The following STARD9 variants were observed in gnomAD, a reference collection of about 807,000 sequenced individuals.
STARD9 encodes the protein stAR-related lipid transfer protein 9.
STARD9 carries 346 observed loss-of-function variants against 399.8 expected under a neutral mutation model. That is an observed-to-expected ratio of 0.87 (90% CI 0.79 to 0.95). The LOEUF (loss-of-function observed/expected upper bound fraction) is 0.95. Among genes scored for constraint, STARD9 ranks in the 40% least tolerant of loss-of-function variants. The pLI is 0.00. For synonymous variants in STARD9, 2,203 were observed against 2,143.5 expected (o/e 1.03, Z -0.77); for missense variants, 5,832 against 5,667.5 (o/e 1.03, Z -0.93).
chr15:42,709,785 G>T (rs2061171593), intron 26 of STARD9, among the ~76,000 whole-genome samples: 1 of 152,078 alleles, frequency 6.6e-6, no homozygotes, highest in Admixed American at 6.5e-5. Context: ...TATCTTACCT[G>T]TAAAAATTAT....
At chr15:42,645,509 C>A (rs1436657321) in intron 7 of STARD9, among the ~76,000 whole-genome samples, 2 of 151,704 alleles carry the variant, frequency 1.3e-5, no homozygotes, top group Non-Finnish European at 2.9e-5. Context: ...CTTTATGGTT[C>A]CATTTATAGG....
chr15:42,693,153 C>G lies in STARD9; in HGVS notation c.11575C>G (p.Pro3859Ala). 2.6e-6 allele frequency: 4 copies of G among 1,537,142 alleles called. No homozygotes were observed. The highest frequency in any genetic ancestry group is 3.5e-6 in the Non-Finnish European group (4 of 1,146,896). ...EESYCLVVSS[P>A]SPSSPHSPGL... ...GTCATATTGCTTAGTTGTCAGCAGT[C>G]CCAGTCCCAGCTCCCCTCATTCCCC... Residue 3859 changes from proline to alanine, a missense_variant, in exon 23 of 33, where the codon CCC becomes GCC. By Grantham distance (27) the Pro-to-Ala change is conservative. Coordinates refer to ENST00000290607, the MANE Select transcript of STARD9 (RefSeq NM_020759.3).
intron 30 of STARD9, 57 bp from the exon 31 acceptor site, chr15:42,718,378 C>A: frequency 7.0e-7 from 1 of 1,428,688 alleles, no homozygotes; most frequent in Non-Finnish European, 9.5e-7. Context: ...ACCAGGAAGG[C>A]TTTAGGACTA....
chr15:42,719,503 C>T lies in STARD9; in HGVS notation c.14032C>T (p.Gln4678Ter), dbSNP rs1317829807. Residue 4678 changes from glutamine (Q) to a stop codon, truncating the protein, a stop_gained, in exon 33 of 33, where the codon CAG (glutamine) becomes TAG (stop). Coordinates refer to ENST00000290607, the MANE Select transcript of STARD9 (RefSeq NM_020759.3). LOFTEE classifies it high-confidence loss of function. ...VELGAPGFPPQLLSSFIKRQP... is the reference protein window; with the variant it reads ...VELGAPGFPP ...ACTTGGTGCTCCAGGCTTCCCACCT[C>T]AGCTCCTGAGCTCTTTCATCAAACG... 1 of 1,537,212 alleles carries T rather than the reference C, an allele frequency of 6.5e-7. No individual in the cohort carries two copies.
intron 3 of STARD9, among the ~76,000 whole-genome samples, chr15:42,606,525 A>G (rs1050150493): frequency 1.1e-4 from 17 of 151,968 alleles, no homozygotes; most frequent in African/African-American, 4.1e-4. Flanking sequence ...GTGTGATCTC[A>G]GGTCACTGCA....
At chr15:42,680,151 A>T (rs2060396403) in intron 20 of STARD9, among the ~76,000 whole-genome samples, 1 of 152,200 alleles carries the variant, frequency 6.6e-6, no homozygotes, top group Non-Finnish European at 1.5e-5. Context: ...AATGACAGGG[A>T]TGAAGATACC....
At chr15:42,711,386 T>C (rs2061220901) in intron 26 of STARD9, among the ~76,000 whole-genome samples, 1 of 152,000 alleles carries the variant, frequency 6.6e-6, no homozygotes, top group African/African-American at 2.4e-5. Context: ...GGTGATCCAC[T>C]CGCTTCAGCC....
Position 42,718,085 on chromosome 15 carries a change from G to A in STARD9, c.13668G>A (p.Trp4556Ter). The change falls in exon 30 of 33, where the codon TGG (tryptophan) becomes TGA (stop). Residue 4556 changes from tryptophan (W) to a stop codon, truncating the protein, a stop_gained. Transcript: ENST00000290607. LOFTEE classifies it high-confidence loss of function. ...TGTCCCAGCCGCTGTCTCGTGTGTG[G>A]GCGGCTGTCAGTGACCCCACTGTGT... ...GVVSQPLSRV[W>*]AAVSDPTVWP... The A allele has an allele frequency of 6.5e-7, 1 of 1,537,234 alleles. No homozygotes were observed. Among genetic ancestry groups the A allele is most frequent in the East Asian group, 2.4e-5 (1 of 40,906 alleles).
In STARD9 at chr15:42,692,785, G is replaced by C. The variant is rs1286303988; in HGVS notation, c.11207G>C (p.Ser3736Thr). 1 of 1,537,056 alleles carries C rather than the reference G, an allele frequency of 6.5e-7. No homozygotes were observed. The highest frequency in any genetic ancestry group is 2.0e-5 in the Admixed American group (1 of 50,974). ...ACTCAGACCACTGTGGATGAGGGCA[G>C]CCAGACTGACCTCACCTTACCCACC... ...GSTQTTVDEG[S>T]QTDLTLPTLC... The change falls in exon 23 of 33, where the codon AGC (serine) becomes ACC (threonine). Residue 3736 changes from serine (S) to threonine (T), a missense_variant. Ser to Thr is a moderately conservative substitution (Grantham distance 58). Transcript: ENST00000290607.
At chr15:42,585,787 ATAAC>A (rs1481413556) in intron 3 of STARD9, 150 bp downstream of exon 3, 9 of 474,792 alleles carry the variant, frequency 1.9e-5, no homozygotes, top group South Asian at 4.7e-5. Context: ...AAACTTTGAA[ATAAC>A]TAACAGATTT....
Position 42,580,672 on chromosome 15 carries a change from C to T in STARD9, c.48-2674C>T, listed in dbSNP as rs547275377. On this transcript the variant is annotated intron_variant, in intron 1 of 32. Transcript: ENST00000290607. The stretch of plus-strand genomic sequence containing the variant: ...CAGCTAAAAAATACAAAAAGCCCGG[C>T]GTGGTGGCGGCCACCTGTAGTCCCA... 4.6e-5 allele frequency among the ~76,000 whole-genome samples: 7 copies of T among 152,172 alleles called. No individual in the cohort carries two copies. In the South Asian group the frequency reaches 1.2e-3, roughly 27 times the overall value.
At chr15:42,679,147 G>A (rs920386186) in intron 20 of STARD9, among the ~76,000 whole-genome samples, 1 of 152,190 alleles carries the variant, frequency 6.6e-6, no homozygotes, top group Non-Finnish European at 1.5e-5. Context: ...TCTTGCATCT[G>A]GTGGTCTGTG....
intron 3 of STARD9, among the ~76,000 whole-genome samples, chr15:42,626,459 C>CTCCTCTTCCTCCTCTTCA (rs2059224678): frequency 6.7e-6 from 1 of 149,974 alleles, no homozygotes; most frequent in Non-Finnish European, 1.5e-5. Context: ...CCTCTTCCTT[C>CTCCTCTTCCTCCTCTTCA]TCCTCTTCCT....
Position 42,674,822 on chromosome 15 carries a change from T to G in STARD9, c.1550-5T>G, listed in dbSNP as rs1328968153. On this transcript the variant is annotated splice_polypyrimidine_tract_variant and splice_region_variant and intron_variant, in intron 17 of 32. Coordinates refer to ENST00000290607, the MANE Select transcript of STARD9 (RefSeq NM_020759.3). ...CCACCCAAGTGACCACCACCTCTTTTGTAGTCCTGCAGGGTCAGTGGATTG... is the reference window on the plus strand; with the variant it reads ...CCACCCAAGTGACCACCACCTCTTTGGTAGTCCTGCAGGGTCAGTGGATTG... 2.0e-6 allele frequency: 3 copies of G among 1,521,664 alleles called. No homozygotes were observed. Among genetic ancestry groups the G allele is most frequent in the Non-Finnish European group, 2.6e-6 (3 of 1,140,456 alleles). 94.3% of individuals were successfully genotyped at this position (1,521,664 alleles called of 1,614,324 possible).
chr15:42,607,194 CTT>C (rs763484090), intron 3 of STARD9, among the ~76,000 whole-genome samples: 4,365 of 38,870 alleles, frequency 0.11, 208 homozygotes, highest in African/African-American at 0.12. Flanking sequence ...TTTTCTGGTG[CTT>C]TTTTTTTTTT....
intron 3 of STARD9, among the ~76,000 whole-genome samples, chr15:42,634,133 A>G (rs2059379557): frequency 6.6e-6 from 1 of 152,168 alleles, no homozygotes; most frequent in Admixed American, 6.5e-5. Context: ...AGCTGTGGGT[A>G]TGCAGATGCC....
At chr15:42,629,313 C>A (rs765293647) in intron 3 of STARD9, among the ~76,000 whole-genome samples, 32 of 152,176 alleles carry the variant, frequency 2.1e-4, no homozygotes, top group Non-Finnish European at 3.2e-4. Flanking sequence ...ACCACTGTGC[C>A]TGGCCTATAG....
rs1454497941 is a variant in STARD9 at position 42,684,966 on chromosome 15, A to G, written c.3388A>G (p.Lys1130Glu). The G allele has an allele frequency of 1.2e-5, 19 of 1,536,880 alleles. No individual in the cohort carries two copies. Among genetic ancestry groups the G allele is most frequent in the Non-Finnish European group, 1.5e-5 (17 of 1,146,928 alleles). Residue 1130 changes from lysine to glutamate, a missense_variant, in exon 23 of 33, where the codon AAA becomes GAA. Lys to Glu is a moderately conservative substitution (Grantham distance 56, BLOSUM62 1). Coordinates refer to ENST00000290607, the MANE Select transcript of STARD9 (RefSeq NM_020759.3). ...LIEPLKPEERKWDFPEPENSE... is the reference protein window; with the variant it reads ...LIEPLKPEEREWDFPEPENSE... ...AGAGCCACTGAAGCCAGAGGAGAGG[A>G]AATGGGATTTCCCAGAGCCAGAGAA...
At chr15:42,683,966 AG>A in intron 22 of STARD9, 149 bp from the exon 23 acceptor site, 1 of 767,074 alleles carries the variant, frequency 1.3e-6, no homozygotes, top group Non-Finnish European at 2.0e-6. Flanking sequence ...CTAGGACTAG[AG>A]TCCACAATTT....
Sources: allele counts gnomAD v4.1 joint callset (sites outside exome capture counted in the v4.1 genomes callset), GRCh38; gene constraint gnomAD v4.1.1; transcripts MANE v1.5; gene names NCBI Gene and HGNC (gene_info 2026-07-23, HGNC 2026-07-21).